The following PRIMPOL variants were observed in gnomAD, a reference collection of about 807,000 sequenced individuals.
PRIMPOL encodes the protein DNA-directed primase/polymerase protein.
PRIMPOL carries 54 observed loss-of-function variants against 63.6 expected under a neutral mutation model. That is an observed-to-expected ratio of 0.85 (90% CI 0.68 to 1.07). The LOEUF (loss-of-function observed/expected upper bound fraction) is 1.07. Ranked by LOEUF, PRIMPOL falls within the 50% of genes least tolerant of loss-of-function variation. The pLI, the probability that PRIMPOL is intolerant of heterozygous loss-of-function variation, is 0.00. For synonymous variants in PRIMPOL, 197 were observed against 220.2 expected (o/e 0.89, Z 0.93); for missense variants, 610 against 648.3 (o/e 0.94, Z 0.64).
At chr4:184,655,195 A>T (rs1455263586) in intron 2 of PRIMPOL, among the ~76,000 whole-genome samples, 1 of 151,870 alleles carries the variant, frequency 6.6e-6, no homozygotes, top group African/African-American at 2.4e-5. Context: ...TTTTTAGTAG[A>T]GACGGGGTTT....
At chr4:184,673,404 C>G (rs1346617572) in intron 7 of PRIMPOL, among the ~76,000 whole-genome samples, 3 of 149,574 alleles carry the variant, frequency 2.0e-5, no homozygotes, top group Non-Finnish European at 4.4e-5. Flanking sequence ...ACTGGGATTA[C>G]AGGCATGAGC....
intron 5 of PRIMPOL, among the ~76,000 whole-genome samples, chr4:184,662,366 T>A (rs1579348352): frequency 6.6e-6 from 1 of 152,266 alleles, no homozygotes; most frequent in African/African-American, 2.4e-5. Flanking sequence ...AATGAGGAAA[T>A]TAAGGCCCAG....
At chr4:184,658,040 C>T (rs1188801574) in intron 3 of PRIMPOL, among the ~76,000 whole-genome samples, 1 of 113,308 alleles carries the variant, frequency 8.8e-6, no homozygotes, top group Non-Finnish European at 2.0e-5. Context: ...ATAAATATCA[C>T]TAAATCAAGC....
chr4:184,684,378 C>T (rs1219819197), intron 9 of PRIMPOL, among the ~76,000 whole-genome samples: 1 of 151,968 alleles, frequency 6.6e-6, no homozygotes, highest in African/African-American at 2.4e-5. Context: ...ATCGCTTGAA[C>T]CCAGAAGGCC....
chr4:184,685,703 T>C lies in PRIMPOL; in HGVS notation c.1295+19T>C. ...ATATAATGTAAGTAATATTAATGAT[T>C]TGTGTGTATTTAACCAATATTATAT... On this transcript the variant is annotated intron_variant, in intron 11 of 13. Transcript: ENST00000314970. 9.1e-7 allele frequency: 1 copy of C among 1,095,122 alleles called. No individual in the cohort carries two copies. The highest frequency in any genetic ancestry group is 1.3e-6 in the Non-Finnish European group (1 of 742,396). 67.8% of individuals were successfully genotyped at this position (1,095,122 alleles called of 1,614,324 possible).
At chr4:184,687,975 C>T (rs561277568) in intron 11 of PRIMPOL, among the ~76,000 whole-genome samples, 6 of 152,300 alleles carry the variant, frequency 3.9e-5, no homozygotes, top group East Asian at 1.9e-4. Flanking sequence ...CCTTGCCTTG[C>T]GGTAGCATAT....
At chr4:184,651,318 A>AGTTTG (rs2150009031) in intron 1 of PRIMPOL, among the ~76,000 whole-genome samples, 1 of 152,220 alleles carries the variant, frequency 6.6e-6, no homozygotes, top group South Asian at 2.1e-4. Context: ...GGGGTTAAGT[A>AGTTTG]GTTTGCTGTT....
In PRIMPOL at chr4:184,666,082, T is replaced by G; in HGVS notation, c.556+18T>G. 1 of 1,565,924 alleles carries G rather than the reference T, an allele frequency of 6.4e-7. No homozygotes were observed. ...TCATGTTGGTAAGTACACGGCTTTT[T>G]AAAAATCATGGAGTTGTATTCAAAA... On this transcript the variant is annotated intron_variant, in intron 6 of 13. Transcript: ENST00000314970.
intron 7 of PRIMPOL, among the ~76,000 whole-genome samples, chr4:184,672,695 C>G (rs1432818662): frequency 6.6e-6 from 1 of 152,154 alleles, no homozygotes; most frequent in Non-Finnish European, 1.5e-5. Context: ...CTGGCTTCTG[C>G]TCTGCATGTC....
At chr4:184,658,877 C>T (rs558445686) in intron 3 of PRIMPOL, among the ~76,000 whole-genome samples, 229 of 149,176 alleles carry the variant, frequency 1.5e-3, no homozygotes, top group African/African-American at 5.4e-3. Context: ...CACTGCACTC[C>T]GGCCTGGGCA....
intron 1 of PRIMPOL, among the ~76,000 whole-genome samples, chr4:184,650,770 G>T (rs1443642970): frequency 6.6e-6 from 1 of 152,190 alleles, no homozygotes; most frequent in Non-Finnish European, 1.5e-5. Flanking sequence ...GTCAGATTCA[G>T]GGACCCCATG....
Position 184,694,368 on chromosome 4 carries a change from A to T in PRIMPOL, c.1426-154A>T, listed in dbSNP as rs552539667. ...CGTTTGAATCAGTGCACTCATTCCC[A>T]CGGTGAGATATCGGAGACAGCATTC... is the stretch of plus-strand genomic sequence containing the variant. On this transcript the variant is annotated intron_variant, in intron 13 of 13. Transcript: ENST00000314970. 6 of 1,410,832 alleles carry T rather than the reference A, an allele frequency of 4.3e-6. No homozygotes were observed. The African/African-American group carries it at 5.8e-5, about 14-fold the overall frequency. 87.4% of individuals were successfully genotyped at this position (1,410,832 alleles called of 1,614,324 possible).
intron 1 of PRIMPOL, among the ~76,000 whole-genome samples, chr4:184,651,485 G>C (rs1270223352): frequency 6.6e-6 from 1 of 152,054 alleles, no homozygotes; most frequent in Non-Finnish European, 1.5e-5. Flanking sequence ...CTTAACAGTG[G>C]CTCTGCAGAG....
At chr4:184,653,766 A>G (rs767043064) in intron 2 of PRIMPOL, among the ~76,000 whole-genome samples, 4 of 152,192 alleles carry the variant, frequency 2.6e-5, no homozygotes, top group Non-Finnish European at 4.4e-5. Flanking sequence ...TAAAAGAAAG[A>G]CAACACTCTT....
intron 11 of PRIMPOL, among the ~76,000 whole-genome samples, chr4:184,687,818 G>T (rs1370306815): frequency 6.6e-6 from 1 of 152,212 alleles, no homozygotes; most frequent in South Asian, 2.1e-4. Context: ...GTTTCTGCAT[G>T]TTGGTCTGGC....
chr4:184,691,641 T>C (rs779463814), intron 12 of PRIMPOL, 25 bp from the exon 13 acceptor site: 62 of 1,607,052 alleles, frequency 3.9e-5, no homozygotes, highest in Non-Finnish European at 4.8e-5. Context: ...TAATATGTAA[T>C]AGTTTTGCTA....
intron 6 of PRIMPOL, 140 bp from the exon 7 acceptor site, chr4:184,672,033 C>A: frequency 1.3e-6 from 1 of 793,756 alleles, no homozygotes; most frequent in South Asian, 1.7e-5. Flanking sequence ...AGCCACTGTG[C>A]CCGGCAGCAA....
intron 9 of PRIMPOL, 98 bp downstream of exon 9, chr4:184,682,434 C>T (rs936192637): frequency 1.6e-6 from 1 of 630,050 alleles, no homozygotes. Context: ...CTGCAGCCTC[C>T]TCCTCCCAGG....
chr4:184,682,409 T>A, intron 9 of PRIMPOL, 73 bp downstream of exon 9: 1 of 802,434 alleles, frequency 1.2e-6, no homozygotes, highest in Non-Finnish European at 2.1e-6. Context: ...AGTGCAGTGG[T>A]GCGATCTCGG....
Sources: gnomAD v4.1 joint callset for allele counts (sites outside exome capture counted in the v4.1 genomes callset) on GRCh38, gnomAD v4.1.1 for gene constraint, MANE v1.5 for transcripts, NCBI Gene and HGNC (gene_info 2026-07-23, HGNC 2026-07-21) for gene names.